Variants in PTK2 observed in about 807,000 individuals in gnomAD.
The protein encoded by PTK2 is focal adhesion kinase 1.
A neutral mutation model predicts 150.1 loss-of-function variants in PTK2; 45 were observed. The observed-to-expected ratio is 0.30, with a 90% CI of 0.24 to 0.38. The LOEUF is 0.38. PTK2 is among the 10% of genes least tolerant of loss of function. The pLI, the probability that PTK2 is intolerant of heterozygous loss-of-function variation, is 1.00. For missense variants in PTK2, 919 were observed against 1,307.3 expected, an observed-to-expected ratio of 0.70 and a Z score of 4.58; for synonymous variants, 432 against 449.2, an observed-to-expected ratio of 0.96 and a Z score of 0.48.
chr8:140,737,217 C>G (rs1419734508), intron 21 of PTK2, among the ~76,000 whole-genome samples: 1 of 152,188 alleles, frequency 6.6e-6, no homozygotes, highest in African/African-American at 2.4e-5. Context: ...ATCCTCCCAC[C>G]TCAGCCTCCT....
chr8:140,675,160 ATTTC>A (rs1000867245), intron 28 of PTK2, among the ~76,000 whole-genome samples: 7 of 148,594 alleles, frequency 4.7e-5, no homozygotes, highest in African/African-American at 1.7e-4. Flanking sequence ...CTAAGGAGGC[ATTTC>A]TTTCTTTTTT....
chr8:140,820,093 T>G (rs2100107396), intron 8 of PTK2, among the ~76,000 whole-genome samples: 2 of 68,916 alleles, frequency 2.9e-5, no homozygotes, highest in East Asian at 3.4e-4. Context: ...TTTTTTTTTT[T>G]TTTTTTTTTT....
intron 8 of PTK2, among the ~76,000 whole-genome samples, chr8:140,825,419 C>A (rs1028255120): frequency 2.6e-5 from 4 of 152,150 alleles, no homozygotes; most frequent in African/African-American, 9.7e-5. Flanking sequence ...AGAATAAAAT[C>A]ATGTGTTCCT....
intron 1 of PTK2, among the ~76,000 whole-genome samples, chr8:140,989,416 A>T (rs988080759): frequency 6.6e-6 from 1 of 151,646 alleles, no homozygotes; most frequent in South Asian, 2.1e-4. Context: ...AAACAAAAAA[A>T]CTACTGAGAC....
At chr8:140,951,053 T>TA (rs1022182052) in intron 1 of PTK2, among the ~76,000 whole-genome samples, 17 of 152,110 alleles carry the variant, frequency 1.1e-4, no homozygotes, top group African/African-American at 3.9e-4. Context: ...CCATATGCTA[T>TA]AAAAGATGCT....
chr8:140,794,302 A>G (rs887333082), intron 12 of PTK2, among the ~76,000 whole-genome samples: 4 of 152,184 alleles, frequency 2.6e-5, no homozygotes, highest in African/African-American at 9.7e-5. Flanking sequence ...CTCAGCACAC[A>G]AACACTGCTC....
intron 1 of PTK2, among the ~76,000 whole-genome samples, chr8:140,979,755 G>A (rs997217247): frequency 1.3e-5 from 2 of 152,152 alleles, no homozygotes; most frequent in Non-Finnish European, 2.9e-5. Context: ...AGTTTCATGA[G>A]ATCTGATGGT....
intron 29 of PTK2, among the ~76,000 whole-genome samples, chr8:140,672,919 A>G (rs1319840547): frequency 6.6e-6 from 1 of 152,218 alleles, no homozygotes; most frequent in East Asian, 1.9e-4. Flanking sequence ...TGGTCAACTG[A>G]GAAATGATAC....
chr8:140,919,530 A>C (rs924955418), intron 2 of PTK2, among the ~76,000 whole-genome samples: 3 of 152,114 alleles, frequency 2.0e-5, no homozygotes, highest in African/African-American at 7.2e-5. Context: ...TCAGAGCCTT[A>C]GTGTTAATCA....
In PTK2 at chr8:140,870,825, A is replaced by G. The variant is rs568050770; in HGVS notation, c.363-6426T>C. Among the ~76,000 whole-genome samples, 4 of 152,372 alleles carry G rather than the reference A, an allele frequency of 2.6e-5. No individual in the cohort carries two copies. The East Asian group carries it at 7.7e-4, about 29-fold the overall frequency. On this transcript the variant is annotated intron_variant, in intron 4 of 31. Transcript: ENST00000522684. Reference sequence around the variant, plus strand: ...ACTAATGGGATAGTTTATGAAATTAAGAATAATTTTTGGAGATTTTTAACA... The same window carrying G: ...ACTAATGGGATAGTTTATGAAATTAGGAATAATTTTTGGAGATTTTTAACA...
Position 140,906,535 on chromosome 8 carries a change from A to T in PTK2, c.-32-15766T>A, listed in dbSNP as rs549302001. Among the ~76,000 whole-genome samples the T allele has an allele frequency of 2.6e-5, 4 of 152,314 alleles. No individual in the cohort carries two copies. In the East Asian group the frequency reaches 7.7e-4, roughly 29 times the overall value. On this transcript the variant is annotated intron_variant, in intron 2 of 31. Coordinates refer to ENST00000522684, the Ensembl canonical transcript of PTK2. ...AGCAACATGAATGGAACCAGAGGTC[A>T]TTACCTTAAGTGAAATAAGCCAGGC...
chr8:140,708,841 T>C (rs546712736), intron 23 of PTK2, among the ~76,000 whole-genome samples: 24 of 152,194 alleles, frequency 1.6e-4, no homozygotes, highest in African/African-American at 4.8e-4. Context: ...TTAATGATGG[T>C]TGCAGGGGAA....
chr8:140,886,449 C>T (rs769739094), intron 3 of PTK2, among the ~76,000 whole-genome samples: 2 of 151,978 alleles, frequency 1.3e-5, no homozygotes, highest in Admixed American at 6.6e-5. Flanking sequence ...CACAGGATGG[C>T]GACAGGTGGA....
chr8:140,911,889 A>T (rs1170710318), intron 2 of PTK2, among the ~76,000 whole-genome samples: 1 of 152,240 alleles, frequency 6.6e-6, no homozygotes, highest in African/African-American at 2.4e-5. Flanking sequence ...TATCCCTCAT[A>T]AACATAGATA....
chr8:140,729,064 G>A (rs1365494879), intron 22 of PTK2, among the ~76,000 whole-genome samples: 2 of 151,882 alleles, frequency 1.3e-5, no homozygotes. Context: ...ATGATACTGA[G>A]AAGCGATATG....
intron 28 of PTK2, among the ~76,000 whole-genome samples, chr8:140,675,172 T>C (rs558885352): frequency 1.5e-4 from 22 of 150,618 alleles, no homozygotes; most frequent in African/African-American, 5.1e-4. Flanking sequence ...TTCTTTCTTT[T>C]TTTTTTTTTT....
chr8:140,662,879 A>T, intron 31 of PTK2: 1 of 418,780 alleles, frequency 2.4e-6, no homozygotes, highest in Non-Finnish European at 4.2e-6. Flanking sequence ...CTATAAAATC[A>T]CTGAGCCTAT....
intron 15 of PTK2, among the ~76,000 whole-genome samples, chr8:140,763,709 A>G (rs1263618618): frequency 2.6e-5 from 4 of 152,066 alleles, no homozygotes; most frequent in African/African-American, 7.2e-5. Flanking sequence ...CACACCTCCC[A>G]TCCCTGAGGT....
intron 8 of PTK2, among the ~76,000 whole-genome samples, chr8:140,819,772 G>T (rs952103253): frequency 6.6e-6 from 1 of 152,178 alleles, no homozygotes; most frequent in Non-Finnish European, 1.5e-5. Flanking sequence ...ATAAAGCAAC[G>T]ATGCTTTTGC....
Sources: gnomAD v4.1 joint callset for allele counts (sites outside exome capture counted in the v4.1 genomes callset) on GRCh38, gnomAD v4.1.1 for gene constraint, MANE v1.5 for transcripts, NCBI Gene and HGNC (gene_info 2026-07-23, HGNC 2026-07-21) for gene names.